Variants in LAPTM4B observed in about 807,000 individuals in gnomAD.
LAPTM4B encodes the protein lysosomal protein transmembrane 4 beta.
Under a neutral mutation model 28.5 loss-of-function variants are expected in LAPTM4B, and 26 were observed. The ratio of observed to expected loss-of-function variants is 0.91; its 90% confidence interval spans 0.67 to 1.27. The LOEUF (loss-of-function observed/expected upper bound fraction) is 1.27, where lower values mean the gene tolerates loss of function less well. LAPTM4B is among the 50% of genes most tolerant of loss of function. The probability of loss-of-function intolerance (pLI) is 0.00; values close to 1 mark genes in which losing one functional copy is unlikely to be tolerated. For missense variants in LAPTM4B, 288 were observed against 285.8 expected, an observed-to-expected ratio of 1.01 and a Z score of -0.06; for synonymous variants, 109 against 106.4, an observed-to-expected ratio of 1.02 and a Z score of -0.15.
At chr8:97,850,774 A>G (rs967983243) in intron 6 of LAPTM4B, among the ~76,000 whole-genome samples, 3 of 145,588 alleles carry the variant, frequency 2.1e-5, no homozygotes, top group Non-Finnish European at 3.0e-5. Flanking sequence ...CACAATGACT[A>G]TTACATACTA....
chr8:97,800,803 C>T (rs184903639), intron 1 of LAPTM4B, among the ~76,000 whole-genome samples: 455 of 152,200 alleles, frequency 3.0e-3, no homozygotes, highest in Non-Finnish European at 5.1e-3. Context: ...GCCCCGTTGA[C>T]TTCTTGTTAC....
At chr8:97,845,856 CCCCCCCCTTCCACT>C in intron 6 of LAPTM4B, among the ~76,000 whole-genome samples, 1 of 18,380 alleles carries the variant, frequency 5.4e-5, no homozygotes. Flanking sequence ...TTTTCCTTTT[CCCCCCCCTTCCACT>C]CCCCTCCCCT....
intron 1 of LAPTM4B, among the ~76,000 whole-genome samples, chr8:97,800,432 T>G (rs1452758627): frequency 2.0e-5 from 3 of 151,550 alleles, no homozygotes; most frequent in Non-Finnish European, 4.4e-5. Flanking sequence ...TTCACTCATT[T>G]GAACTCTGGC....
chr8:97,825,945 G>A lies in LAPTM4B; in HGVS notation c.603+792G>A, dbSNP rs565085057. Among the ~76,000 whole-genome samples the A allele has an allele frequency of 2.0e-5, 3 of 152,282 alleles. No individual in the cohort carries two copies. In the East Asian group the frequency reaches 5.8e-4, roughly 29 times the overall value. ...CAAAACGGATAGGATTGGACTGGAC[G>A]GGTGAAAGGAACACATAAATGGTAG... On this transcript the variant is annotated intron_variant, in intron 6 of 6. Coordinates refer to ENST00000521545, the MANE Select transcript of LAPTM4B (RefSeq NM_018407.6).
intron 1 of LAPTM4B, among the ~76,000 whole-genome samples, chr8:97,800,847 C>T (rs990014971): frequency 2.8e-4 from 43 of 152,008 alleles, no homozygotes; most frequent in African/African-American, 1.0e-3. Flanking sequence ...GGTGGTGGCT[C>T]GCGCATTTAA....
chr8:97,803,494 G>A (rs917969569), intron 1 of LAPTM4B, among the ~76,000 whole-genome samples: 4 of 152,086 alleles, frequency 2.6e-5, no homozygotes, highest in African/African-American at 4.8e-5. Context: ...GGCTGGTCTC[G>A]AACTCCTAAT....
chr8:97,800,675 T>A (rs4735492), intron 1 of LAPTM4B, among the ~76,000 whole-genome samples: 67,108 of 151,250 alleles, frequency 0.44, 15,363 homozygotes, highest in East Asian at 0.57. Context: ...TTTGTATTTT[T>A]AGTGGAGACG....
chr8:97,815,209 G>A, intron 2 of LAPTM4B, 119 bp from the exon 3 acceptor site: 1 of 730,270 alleles, frequency 1.4e-6, no homozygotes. Context: ...TTAGTATAAA[G>A]TATTTACTAA....
intron 6 of LAPTM4B, among the ~76,000 whole-genome samples, chr8:97,830,696 G>C (rs1256718835): frequency 1.3e-5 from 2 of 152,154 alleles, no homozygotes; most frequent in Non-Finnish European, 2.9e-5. Context: ...AGTGGGGAAG[G>C]TTCTGTAGAC....
At chr8:97,800,708 C>T (rs114994131) in intron 1 of LAPTM4B, among the ~76,000 whole-genome samples, 228 of 151,998 alleles carry the variant, frequency 1.5e-3, no homozygotes, top group African/African-American at 5.1e-3. Flanking sequence ...GTTGGTCAGG[C>T]TCATCTTAAA....
intron 1 of LAPTM4B, among the ~76,000 whole-genome samples, chr8:97,791,940 A>G (rs1296364393): frequency 6.6e-6 from 1 of 152,158 alleles, no homozygotes; most frequent in African/African-American, 2.4e-5. Flanking sequence ...ATCACCTATG[A>G]GGAAGACGTC....
At chr8:97,806,786 A>G (rs1816760290) in intron 2 of LAPTM4B, among the ~76,000 whole-genome samples, 1 of 152,256 alleles carries the variant, frequency 6.6e-6, no homozygotes, top group African/African-American at 2.4e-5. Flanking sequence ...ACAATACCTC[A>G]TCTCTACTAA....
intron 4 of LAPTM4B, among the ~76,000 whole-genome samples, chr8:97,817,421 A>C: frequency 1.4e-5 from 2 of 139,252 alleles, no homozygotes; most frequent in African/African-American, 2.7e-5. Flanking sequence ...TATAGATGTG[A>C]CTCACTGTAC....
At chr8:97,841,481 T>TCAC (rs1010122116) in intron 6 of LAPTM4B, among the ~76,000 whole-genome samples, 19 of 151,974 alleles carry the variant, frequency 1.3e-4, no homozygotes, top group African/African-American at 4.6e-4. Flanking sequence ...GCGCCTGCCA[T>TCAC]CACGCCCAGC....
intron 5 of LAPTM4B, 63 bp downstream of exon 5, chr8:97,819,301 G>A: frequency 1.0e-6 from 1 of 1,000,110 alleles, no homozygotes; most frequent in Non-Finnish European, 1.5e-6. Flanking sequence ...TACCAAATAA[G>A]TAAACAAACT....
chr8:97,815,535 T>C (rs1177540732), intron 3 of LAPTM4B, 134 bp downstream of exon 3: 2 of 717,920 alleles, frequency 2.8e-6, no homozygotes, highest in Admixed American at 5.5e-5. Flanking sequence ...GTTTGTATTA[T>C]GTGGTACTAG....
At position 97,824,690 on chromosome 8, in the gene LAPTM4B, A is replaced by T. The variant is rs114785777; in HGVS notation, c.508-368A>T. On this transcript the variant is annotated intron_variant, in intron 5 of 6. Transcript: ENST00000521545. ...AGCAGTTAAACTGTGGCAATAAATG[A>T]GTTAATACATTCGATTGTTCTGTGA... Among the ~76,000 whole-genome samples the T allele has an allele frequency of 2.7e-3, 407 of 152,348 alleles. 1 individual carries two copies. Among genetic ancestry groups the T allele is most frequent in the African/African-American group, 9.3e-3 (385 of 41,566 alleles).
intron 1 of LAPTM4B, among the ~76,000 whole-genome samples, chr8:97,777,692 C>G (rs1402830996): frequency 6.6e-6 from 1 of 152,196 alleles, no homozygotes; most frequent in African/African-American, 2.4e-5. Flanking sequence ...GTATTTCAAA[C>G]AGATATTTAG....
chr8:97,803,092 G>C (rs532275131), intron 1 of LAPTM4B, among the ~76,000 whole-genome samples: 3 of 151,596 alleles, frequency 2.0e-5, no homozygotes, highest in Non-Finnish European at 4.4e-5. Context: ...CCAGCTACTC[G>C]AGAGGCTGAG....
Sources: allele counts gnomAD v4.1 joint callset (sites outside exome capture counted in the v4.1 genomes callset), GRCh38; gene constraint gnomAD v4.1.1; transcripts MANE v1.5; gene names NCBI Gene and HGNC (gene_info 2026-07-23, HGNC 2026-07-21).